The following UTS2 variants were observed in gnomAD, a reference collection of about 807,000 sequenced individuals.
The protein encoded by UTS2 is urotensin 2.
Under a neutral mutation model 12.6 loss-of-function variants are expected in UTS2, and 10 were observed. The observed-to-expected ratio is 0.80, with a 90% CI of 0.49 to 1.35. UTS2 has a LOEUF of 1.35. Ranked by LOEUF, UTS2 falls within the 40% of genes most tolerant of loss-of-function variation. UTS2 has a pLI of 0.00. For missense variants in UTS2, 142 were observed against 143.2 expected (o/e 0.99, Z 0.04); for synonymous variants, 52 against 50.0 (o/e 1.04, Z -0.17).
the UTS2 span, among the ~76,000 whole-genome samples, chr1:7,886,879 A>C: frequency 6.6e-6 from 1 of 151,726 alleles, no homozygotes; most frequent in Admixed American, 6.6e-5. Context: ...GGTGAAACCC[A>C]TCTCTACTAA....
the UTS2 span, among the ~76,000 whole-genome samples, chr1:7,881,947 A>G: frequency 2.0e-5 from 3 of 152,238 alleles, no homozygotes; most frequent in Non-Finnish European, 4.4e-5. Context: ...CCAATGGAAA[A>G]GCACAGAAAA....
At chr1:7,911,745 T>C in the UTS2 span, among the ~76,000 whole-genome samples, 57 of 151,704 alleles carry the variant, frequency 3.8e-4, no homozygotes, top group Non-Finnish European at 7.4e-4. Context: ...CTACTAAAAA[T>C]ACAAAAATTA....
At chr1:7,850,362 T>C (rs1407152390) in intron 2 of UTS2, among the ~76,000 whole-genome samples, 1 of 152,204 alleles carries the variant, frequency 6.6e-6, no homozygotes, top group Non-Finnish European at 1.5e-5. Context: ...ATTTTATTAA[T>C]GACTTTCTGT....
the UTS2 span, among the ~76,000 whole-genome samples, chr1:7,858,923 G>A: frequency 4.6e-5 from 7 of 152,136 alleles, no homozygotes; most frequent in Non-Finnish European, 7.4e-5. Context: ...GATTCTCCTC[G>A]GTTGTGGGGA....
chr1:7,884,302 A>ATTT, the UTS2 span, among the ~76,000 whole-genome samples: 656 of 140,142 alleles, frequency 4.7e-3, 12 homozygotes, highest in African/African-American at 0.016. Flanking sequence ...ATAACATCTG[A>ATTT]TTTTTTTTTT....
At chr1:7,857,881 A>G (rs1026871077), upstream of UTS2, among the ~76,000 whole-genome samples, 1 of 150,014 alleles carries the variant, frequency 6.7e-6, no homozygotes, top group Non-Finnish European at 1.5e-5. Context: ...GCTGTTTTAC[A>G]TTGTCTGTCT....
At chr1:7,890,691 A>C in the UTS2 span, among the ~76,000 whole-genome samples, 8 of 148,416 alleles carry the variant, frequency 5.4e-5, no homozygotes, top group Non-Finnish European at 1.0e-4. Context: ...CTGGAGTTGG[A>C]GATCAGCCTG....
upstream of UTS2, among the ~76,000 whole-genome samples, chr1:7,855,920 T>G (rs917685271): frequency 3.3e-5 from 5 of 150,994 alleles, no homozygotes; most frequent in Non-Finnish European, 5.9e-5. Context: ...TCTCAAAATC[T>G]TAACCTCAAG....
chr1:7,872,321 GAAAAGAAAAA>G, the UTS2 span, among the ~76,000 whole-genome samples: 13 of 86,078 alleles, frequency 1.5e-4, no homozygotes, highest in African/African-American at 4.1e-4. Context: ...AAAAAAAAAG[GAAAAGAAAAA>G]AAAAGAAAAA....
At chr1:7,874,369 T>C in the UTS2 span, among the ~76,000 whole-genome samples, 3 of 152,160 alleles carry the variant, frequency 2.0e-5, no homozygotes, top group South Asian at 6.2e-4. Flanking sequence ...CAGCACCATT[T>C]TGAGAGCCCA....
At chr1:7,878,239 G>A in the UTS2 span, among the ~76,000 whole-genome samples, 1,848 of 152,270 alleles carry the variant, frequency 0.012, 36 homozygotes, top group African/African-American at 0.042. Flanking sequence ...CAAAAACTGA[G>A]GAAATTTATC....
intron 2 of UTS2, among the ~76,000 whole-genome samples, chr1:7,850,591 G>C (rs1367085066): frequency 1.3e-5 from 2 of 152,168 alleles, no homozygotes; most frequent in African/African-American, 4.8e-5. Flanking sequence ...AGTCCACACA[G>C]AAAGACAAAA....
chr1:7,907,128 C>T, the UTS2 span, among the ~76,000 whole-genome samples: 1 of 151,954 alleles, frequency 6.6e-6, no homozygotes, highest in South Asian at 2.1e-4. Flanking sequence ...TGGTGGTGCG[C>T]GCTTGTAATC....
At chr1:7,850,156 G>C (rs2097412533) in intron 2 of UTS2, among the ~76,000 whole-genome samples, 1 of 151,958 alleles carries the variant, frequency 6.6e-6, no homozygotes, top group Non-Finnish European at 1.5e-5. Flanking sequence ...TTTTAGTCGA[G>C]ATGGGTTTTC....
chr1:7,892,889 T>C, the UTS2 span, among the ~76,000 whole-genome samples: 3 of 152,148 alleles, frequency 2.0e-5, no homozygotes, highest in Non-Finnish European at 4.4e-5. Flanking sequence ...TAATCACATC[T>C]GAAAAGTCCT....
At chr1:7,873,324 T>C in the UTS2 span, among the ~76,000 whole-genome samples, 1 of 152,230 alleles carries the variant, frequency 6.6e-6, no homozygotes, top group East Asian at 1.9e-4. Context: ...AGAAATGTAT[T>C]TCATGAGGCT....
the UTS2 span, among the ~76,000 whole-genome samples, chr1:7,868,617 G>A: frequency 6.6e-6 from 1 of 152,216 alleles, no homozygotes; most frequent in Non-Finnish European, 1.5e-5. Context: ...TGTCCCTGTC[G>A]CCCTGTGTGG....
the UTS2 span, among the ~76,000 whole-genome samples, chr1:7,887,040 CAAAAAAAAAAAAAAAAA>C: frequency 2.9e-5 from 1 of 34,728 alleles, no homozygotes; most frequent in Non-Finnish European, 4.8e-5. Context: ...GACTCCGTCT[CAAAAAAAAAAAAAAAAA>C]AAAAAAAAAA....
chr1:7,884,005 G>A, the UTS2 span, among the ~76,000 whole-genome samples: 2 of 151,824 alleles, frequency 1.3e-5, no homozygotes, highest in African/African-American at 4.8e-5. Flanking sequence ...GTAGAGACGG[G>A]GTTTCTCCAT....
Sources: gnomAD v4.1 joint callset for allele counts (sites outside exome capture counted in the v4.1 genomes callset) on GRCh38, gnomAD v4.1.1 for gene constraint, MANE v1.5 for transcripts, NCBI Gene and HGNC (gene_info 2026-07-23, HGNC 2026-07-21) for gene names.